Variants in EPG5 observed in about 807,000 individuals in gnomAD.
EPG5 encodes ectopic P-granules 5 autophagy tethering factor.
A neutral mutation model predicts 302.7 loss-of-function variants in EPG5; 159 were observed. That is an observed-to-expected ratio of 0.53 (90% CI 0.46 to 0.60). The LOEUF is 0.60. EPG5 is among the 20% of genes least tolerant of loss of function. The pLI is 0.00. For missense variants in EPG5, 2,896 were observed against 3,092.4 expected (o/e 0.94, Z 1.51); for synonymous variants, 1,158 against 1,136.8 (o/e 1.02, Z -0.37).
rs764221778 is a variant in EPG5 at position 45,915,597 on chromosome 18, G to C, written c.3607C>G (p.Arg1203Gly). 1 of 1,614,116 alleles carries C rather than the reference G, an allele frequency of 6.2e-7. No homozygotes were observed. Among genetic ancestry groups the C allele is most frequent in the Non-Finnish European group, 8.5e-7 (1 of 1,179,990 alleles). The change falls in exon 20 of 44, where the codon CGG (arginine) becomes GGG (glycine). Residue 1203 changes from arginine (R) to glycine (G), a missense_variant. Physicochemically the swap from Arg to Gly is moderately radical, Grantham distance 125. Around this residue, in one of 5 missense-constraint regions of EPG5, gnomAD observed 1,390 missense variants for 1,430.0 expected, o/e 0.97. Transcript: ENST00000282041. ...CTTACCAAAGATGAGAGCAGACTCC[G>C]GTCACAGTGGTAACCCAAGGCATTC... ...HKNALGYHCD[R>G]SLLSSLVSWI...
At chr18:45,832,756 C>G in the EPG5 span, among the ~76,000 whole-genome samples, 2 of 152,196 alleles carry the variant, frequency 1.3e-5, no homozygotes, top group Admixed American at 6.5e-5. Context: ...AGCAGACAGG[C>G]ATAAGCTGCC....
At chr18:45,817,999 C>G in the EPG5 span, among the ~76,000 whole-genome samples, 3 of 152,172 alleles carry the variant, frequency 2.0e-5, no homozygotes, top group Non-Finnish European at 4.4e-5. Flanking sequence ...TGTATGCATA[C>G]ACAAGCTTAT....
chr18:45,831,594 ACT>A, the EPG5 span, among the ~76,000 whole-genome samples: 1 of 152,204 alleles, frequency 6.6e-6, no homozygotes, highest in African/African-American at 2.4e-5. Flanking sequence ...CACATGGTAA[ACT>A]CTCAATAAAT....
intron 11 of EPG5, among the ~76,000 whole-genome samples, chr18:45,934,113 A>C (rs1184778050): frequency 1.3e-5 from 2 of 152,002 alleles, no homozygotes; most frequent in Non-Finnish European, 2.9e-5. Flanking sequence ...ACATGATGAA[A>C]CCATGTCTCT....
In EPG5 at chr18:45,876,380, G is replaced by A. The variant is rs368067621; in HGVS notation, c.5943-38C>T. On this transcript the variant is annotated intron_variant, in intron 34 of 43. Coordinates refer to ENST00000282041, the MANE Select transcript of EPG5 (RefSeq NM_020964.3). ...GAAGCACACACTTAGGAATGCAACC[G>A]TGATTAAAATACTGTTAAGTCCCAG... 17 of 1,533,252 alleles carry A rather than the reference G, an allele frequency of 1.1e-5. No individual in the cohort carries two copies. In the East Asian group the frequency reaches 1.1e-4, roughly 10 times the overall value. 95.0% of individuals were successfully genotyped at this position (1,533,252 alleles called of 1,614,324 possible). A position where few individuals can be genotyped will look rare whatever the true frequency, so the allele number is the denominator to read the frequency against.
the EPG5 span, among the ~76,000 whole-genome samples, chr18:45,804,985 T>C: frequency 6.6e-6 from 1 of 152,144 alleles, no homozygotes; most frequent in Admixed American, 6.5e-5. Context: ...GGTTTGCATA[T>C]TTTATGCAAA....
the EPG5 span, among the ~76,000 whole-genome samples, chr18:45,801,297 A>C: frequency 6.6e-6 from 1 of 152,010 alleles, no homozygotes; most frequent in Non-Finnish European, 1.5e-5. Context: ...CAGCCTCCCA[A>C]AGTGCTAGGA....
the EPG5 span, chr18:45,825,719 T>C: frequency 6.2e-7 from 1 of 1,614,190 alleles, no homozygotes; most frequent in Middle Eastern, 1.7e-4. Context: ...GGTGTTCAGA[T>C]GCTCACAGCA....
chr18:45,831,091 G>A, the EPG5 span, among the ~76,000 whole-genome samples: 1 of 152,146 alleles, frequency 6.6e-6, no homozygotes, highest in Non-Finnish European at 1.5e-5. Flanking sequence ...CAGAGCTAGG[G>A]CTGGAGCCCC....
chr18:45,965,434 C>T (rs1221896674), intron 1 of EPG5, among the ~76,000 whole-genome samples: 2 of 152,132 alleles, frequency 1.3e-5, no homozygotes, highest in African/African-American at 4.8e-5. Flanking sequence ...TCCACTTGTA[C>T]CCTCTAAACC....
chr18:45,838,951 G>A, the EPG5 span: 1 of 1,605,176 alleles, frequency 6.2e-7, no homozygotes, highest in Non-Finnish European at 8.5e-7. Context: ...CAACAGCCTG[G>A]GCCGCTCCGA....
rs2050984340 is a variant in EPG5 at position 45,954,633 on chromosome 18, T to TA, written c.768dup (p.Lys257Ter). The TA allele has an allele frequency of 6.2e-7, 1 of 1,614,158 alleles. No individual in the cohort carries two copies. The highest frequency in any genetic ancestry group is 1.1e-5 in the South Asian group (1 of 91,094). Reference sequence around the variant, plus strand: ...GGCTCCAAGATTTTTAGCTGTTCTTTAGTAAATGGTACTAGTTCCAGTTGA... The same window carrying TA: ...GGCTCCAAGATTTTTAGCTGTTCTTTAAGTAAATGGTACTAGTTCCAGTTGA... On this transcript the variant is annotated frameshift_variant, in exon 2 of 44. Transcript: ENST00000282041. LOFTEE classifies it high-confidence loss of function.
chr18:45,932,738 A>G (rs1470086851), intron 11 of EPG5, among the ~76,000 whole-genome samples: 1 of 142,306 alleles, frequency 7.0e-6, no homozygotes, highest in Admixed American at 7.3e-5. Flanking sequence ...GCTAGAACAT[A>G]GTAGGCAGAT....
At chr18:45,855,765 T>C in intron 42 of EPG5, 78 bp from the exon 43 acceptor site, 1 of 906,490 alleles carries the variant, frequency 1.1e-6, no homozygotes. Flanking sequence ...ATATTTTCTA[T>C]GACATAAAAA....
chr18:45,941,634 A>G (rs1039285874), intron 9 of EPG5, among the ~76,000 whole-genome samples: 1 of 152,242 alleles, frequency 6.6e-6, no homozygotes, highest in African/African-American at 2.4e-5. Context: ...ATCTTAAAAC[A>G]GTAATGATAC....
chr18:45,910,938 A>T (rs2049878244), intron 22 of EPG5, among the ~76,000 whole-genome samples, 196 bp from the exon 23 acceptor site: 1 of 152,132 alleles, frequency 6.6e-6, no homozygotes, highest in Non-Finnish European at 1.5e-5. Flanking sequence ...AGTTTTAAAA[A>T]GTGTGAAATG....
rs2048779093 is a variant in EPG5 at position 45,867,829 on chromosome 18, T to C, written c.6226-81A>G. On this transcript the variant is annotated intron_variant, in intron 36 of 43. Transcript: ENST00000282041. Reference sequence around the variant, plus strand: ...AAAATGTATGTAAATTGTTTCATAATTATGTTTTTAAAAAACACTTTTTCC... The same window carrying C: ...AAAATGTATGTAAATTGTTTCATAACTATGTTTTTAAAAAACACTTTTTCC... The C allele has an allele frequency of 8.5e-6, 11 of 1,300,058 alleles. No homozygotes were observed. The South Asian group carries it at 1.5e-4, about 18-fold the overall frequency. 80.5% of individuals were successfully genotyped at this position (1,300,058 alleles called of 1,614,324 possible).
At chr18:45,827,229 T>C in the EPG5 span, among the ~76,000 whole-genome samples, 31 of 152,216 alleles carry the variant, frequency 2.0e-4, no homozygotes, top group Non-Finnish European at 3.5e-4. Context: ...AAAGGAACTC[T>C]TCCCTATGAA....
chr18:45,861,773 T>C (rs1375986719), intron 39 of EPG5, among the ~76,000 whole-genome samples: 1 of 152,230 alleles, frequency 6.6e-6, no homozygotes. Context: ...ATATTTTCTT[T>C]TGCAGAATGT....
Sources: allele counts gnomAD v4.1 joint callset (sites outside exome capture counted in the v4.1 genomes callset), GRCh38; gene constraint gnomAD v4.1.1; regional missense constraint gnomAD v4.1.1; transcripts MANE v1.5; gene names NCBI Gene and HGNC (gene_info 2026-07-23, HGNC 2026-07-21).